SEMA3D: variants seen among roughly 807,000 people sequenced by gnomAD.
SEMA3D encodes the protein semaphorin 3D, also known as semaphorin-3D.
A neutral mutation model predicts 100.1 loss-of-function variants in SEMA3D; 84 were observed. The observed-to-expected ratio is 0.84, with a 90% CI of 0.70 to 1.01. The LOEUF (loss-of-function observed/expected upper bound fraction) is 1.01, where lower values mean the gene tolerates loss of function less well. Ranked by LOEUF, SEMA3D falls within the 50% of genes least tolerant of loss-of-function variation. The pLI, the probability that SEMA3D is intolerant of heterozygous loss-of-function variation, is 0.00. For missense variants in SEMA3D, 875 were observed against 934.1 expected, an observed-to-expected ratio of 0.94 and a Z score of 0.82; for synonymous variants, 312 against 320.7, an observed-to-expected ratio of 0.97 and a Z score of 0.29.
At chr7:85,203,353 T>C in the SEMA3D span, among the ~76,000 whole-genome samples, 3 of 152,210 alleles carry the variant, frequency 2.0e-5, no homozygotes, top group African/African-American at 4.8e-5. Flanking sequence ...TTAACTAGAA[T>C]TGAAGTTTTT....
intron 1 of SEMA3D, among the ~76,000 whole-genome samples, chr7:85,178,859 C>T (rs1299614909): frequency 6.6e-6 from 1 of 152,162 alleles, no homozygotes; most frequent in Non-Finnish European, 1.5e-5. Context: ...GATCCAGGGC[C>T]TCCCTGCTGT....
intron 2 of SEMA3D, among the ~76,000 whole-genome samples, chr7:85,138,935 T>C (rs982744710): frequency 6.6e-6 from 1 of 151,974 alleles, no homozygotes; most frequent in Admixed American, 6.6e-5. Flanking sequence ...TGCTCTGGCT[T>C]TCTATTGGAC....
At chr7:85,175,224 T>C (rs1791193696) in intron 1 of SEMA3D, among the ~76,000 whole-genome samples, 1 of 152,108 alleles carries the variant, frequency 6.6e-6, no homozygotes, top group African/African-American at 2.4e-5. Flanking sequence ...TTCTGAAATA[T>C]GAATAAAAGT....
chr7:85,219,683 C>T, the SEMA3D span, among the ~76,000 whole-genome samples: 12 of 152,100 alleles, frequency 7.9e-5, no homozygotes, highest in African/African-American at 2.9e-4. Flanking sequence ...AGGAGTCTTT[C>T]AAGGATACAG....
chr7:85,023,573 T>A (rs367659527), intron 12 of SEMA3D, among the ~76,000 whole-genome samples: 6 of 151,960 alleles, frequency 3.9e-5, no homozygotes, highest in African/African-American at 1.4e-4. Context: ...TAAGGACAGA[T>A]TTTTTTAATG....
At chr7:85,238,614 G>T in the SEMA3D span, among the ~76,000 whole-genome samples, 1 of 152,120 alleles carries the variant, frequency 6.6e-6, no homozygotes. Context: ...AGTAGTTCTG[G>T]AAGTCAAGTA....
chr7:85,224,538 G>A, the SEMA3D span, among the ~76,000 whole-genome samples: 2 of 152,148 alleles, frequency 1.3e-5, no homozygotes, highest in Non-Finnish European at 2.9e-5. Flanking sequence ...AAAAAAAGTT[G>A]TGTAAAATGA....
intron 8 of SEMA3D, among the ~76,000 whole-genome samples, chr7:85,059,342 A>C (rs2116105769): frequency 6.6e-6 from 1 of 152,316 alleles, no homozygotes; most frequent in South Asian, 2.1e-4. Context: ...TAAATTCTTA[A>C]GTAATTTGAA....
At chr7:85,161,425 T>C (rs1351687849) in intron 1 of SEMA3D, among the ~76,000 whole-genome samples, 1 of 151,958 alleles carries the variant, frequency 6.6e-6, no homozygotes, top group Admixed American at 6.6e-5. Context: ...CATAAATATT[T>C]TATAATGTTT....
At chr7:85,143,553 A>C (rs984685973) in intron 2 of SEMA3D, among the ~76,000 whole-genome samples, 1 of 152,196 alleles carries the variant, frequency 6.6e-6, no homozygotes. Context: ...TAAACATAGA[A>C]GAGATACAAC....
intron 2 of SEMA3D, among the ~76,000 whole-genome samples, chr7:85,126,001 G>A (rs1789556145): frequency 6.6e-6 from 1 of 151,990 alleles, no homozygotes. Flanking sequence ...AGCACTCTTG[G>A]GAATCTTCAG....
intron 2 of SEMA3D, among the ~76,000 whole-genome samples, chr7:85,152,960 C>G (rs1200542170): frequency 6.6e-6 from 1 of 152,096 alleles, no homozygotes; most frequent in African/African-American, 2.4e-5. Context: ...GCTATGCCTG[C>G]TAATTCTGAG....
chr7:85,089,754 G>A (rs1216957992), intron 4 of SEMA3D, among the ~76,000 whole-genome samples: 2 of 152,036 alleles, frequency 1.3e-5, no homozygotes, highest in African/African-American at 4.8e-5. Context: ...AGCTGGGCAT[G>A]GTGACAAGCA....
chr7:85,090,454 CA>C (rs1435239317), intron 4 of SEMA3D, among the ~76,000 whole-genome samples: 17 of 152,120 alleles, frequency 1.1e-4, no homozygotes, highest in African/African-American at 4.1e-4. Context: ...TGAAACTAAG[CA>C]GGGTGTCTTA....
rs34800712 is a variant in SEMA3D, at chr7:85,030,199, A to AT, written c.1191+6689dup. Among the ~76,000 whole-genome samples the AT allele has an allele frequency of 4.9e-3, 727 of 147,678 alleles. 4 individuals are homozygous for AT. The highest frequency in any genetic ancestry group is 0.021 in the East Asian group (104 of 4,980). ...TTAGAATCACCATTTTTCACCACCTATTTTTTTTTTTTGAAACTACCTAGA... is the reference window on the plus strand; with the variant it reads ...TTAGAATCACCATTTTTCACCACCTATTTTTTTTTTTTTGAAACTACCTAGA... On this transcript the variant is annotated intron_variant, in intron 12 of 18. Coordinates refer to ENST00000284136, the MANE Select transcript of SEMA3D (RefSeq NM_001384900.1).
intron 2 of SEMA3D, among the ~76,000 whole-genome samples, chr7:85,133,248 G>T (rs1789776780): frequency 6.6e-6 from 1 of 151,856 alleles, no homozygotes; most frequent in South Asian, 2.1e-4. Context: ...AGTAGTATCA[G>T]TTTCTGAGCT....
chr7:85,068,079 T>G, intron 7 of SEMA3D, 112 bp downstream of exon 7: 1 of 657,104 alleles, frequency 1.5e-6, no homozygotes. Flanking sequence ...ACAAATCGCT[T>G]GTGGAAGATT....
In SEMA3D at chr7:85,186,771, C is replaced by T. The variant is rs990184516; in HGVS notation, c.-266G>A. On this transcript the variant is annotated 5_prime_UTR_variant, in exon 1 of 19. Coordinates refer to ENST00000284136, the MANE Select transcript of SEMA3D (RefSeq NM_001384900.1). Reference sequence around the variant, plus strand: ...GGCTGAGGTCCAGCGGCGCGGCAACCCGGGGCACCGGCGCGCGTTCCTCTG... The same window carrying T: ...GGCTGAGGTCCAGCGGCGCGGCAACTCGGGGCACCGGCGCGCGTTCCTCTG... The T allele has an allele frequency of 6.6e-6, 1 of 152,182 alleles. No individual in the cohort carries two copies. The highest frequency in any genetic ancestry group is 1.5e-5 in the Non-Finnish European group (1 of 68,068). 9.4% of individuals were successfully genotyped at this position (152,182 alleles called of 1,614,324 possible).
At chr7:85,193,326 C>A in the SEMA3D span, among the ~76,000 whole-genome samples, 7 of 152,120 alleles carry the variant, frequency 4.6e-5, no homozygotes, top group Admixed American at 3.3e-4. Flanking sequence ...AAAGGATGAT[C>A]CCTACATTTT....
Sources: gnomAD v4.1 joint callset for allele counts (sites outside exome capture counted in the v4.1 genomes callset) on GRCh38, gnomAD v4.1.1 for gene constraint, MANE v1.5 for transcripts, NCBI Gene and HGNC (gene_info 2026-07-23, HGNC 2026-07-21) for gene names.